Variants in MYH1 observed in about 807,000 individuals in gnomAD.
MYH1 encodes the protein myosin-1.
MYH1 carries 214 observed loss-of-function variants against 225.6 expected under a neutral mutation model. The ratio of observed to expected loss-of-function variants is 0.95; its 90% CI spans 0.85 to 1.06. The LOEUF (loss-of-function observed/expected upper bound fraction) is 1.06, where lower values mean the gene tolerates loss of function less well. Ranked by LOEUF, MYH1 falls within the 50% of genes least tolerant of loss-of-function variation. The pLI is 0.00. For missense variants in MYH1, 2,098 were observed against 2,344.2 expected (o/e 0.89, Z 2.17); for synonymous variants, 774 against 842.3 (o/e 0.92, Z 1.40).
At chr17:10,515,191 A>T (rs2073213249) in intron 5 of MYH1, among the ~76,000 whole-genome samples, 1 of 152,252 alleles carries the variant, frequency 6.6e-6, no homozygotes, top group African/African-American at 2.4e-5. Flanking sequence ...TAATAGATTG[A>T]AATAGTGTTA....
In MYH1 at chr17:10,516,078, T is replaced by G; in HGVS notation, c.353A>C (p.Tyr118Ser). Residue 118 changes from tyrosine to serine, a missense_variant, in exon 5 of 40, where the codon TAC (tyrosine) becomes TCC (serine). Tyr to Ser is a moderately radical substitution (Grantham distance 144). Transcript: ENST00000226207. Reference protein sequence around the residue: ...ERYAAWMIYTYSGLFCVTVNP... With the variant: ...ERYAAWMIYTSSGLFCVTVNP... Reference sequence around the variant, plus strand: ...GACAGTGACACAGAACAAGCCTGAGTAGGTCTGCACCCAAAACAAAAGGGA... The same window carrying G: ...GACAGTGACACAGAACAAGCCTGAGGAGGTCTGCACCCAAAACAAAAGGGA... The G allele has an allele frequency of 6.2e-7, 1 of 1,614,068 alleles. No individual in the cohort carries two copies. The highest frequency in any genetic ancestry group is 8.5e-7 in the Non-Finnish European group (1 of 1,179,978).
At chr17:10,502,672 C>A in intron 24 of MYH1, 66 bp downstream of exon 24, 2 of 1,611,198 alleles carry the variant, frequency 1.2e-6, no homozygotes, top group East Asian at 4.5e-5. Flanking sequence ...CATAACGACA[C>A]AAACTTATGC....
intron 19 of MYH1, 86 bp downstream of exon 19, chr17:10,505,726 G>T (rs1048736122): frequency 2.6e-6 from 4 of 1,539,462 alleles, no homozygotes; most frequent in Non-Finnish European, 3.5e-6. Context: ...TCAATTTTAA[G>T]AGGAGGTATA....
rs550809205 is a variant in MYH1, at chr17:10,516,182, C to T, written c.348+17G>A. ...TTAACTACTCTCATGAGTAGAAGAC[C>T]GTGAGAAAGAACTCACGTAGATCAT... On this transcript the variant is annotated intron_variant, in intron 4 of 39. Transcript: ENST00000226207. 2.7e-5 allele frequency: 43 copies of T among 1,614,056 alleles called. No individual in the cohort carries two copies. In the East Asian group the frequency reaches 4.7e-4, roughly 18 times the overall value.
chr17:10,515,276 G>T (rs145350853), intron 5 of MYH1, among the ~76,000 whole-genome samples: 3 of 152,226 alleles, frequency 2.0e-5, no homozygotes, highest in African/African-American at 7.2e-5. Context: ...ACTATCTTAT[G>T]GCCACAGACT....
chr17:10,515,916 A>C lies in MYH1; in HGVS notation c.505+10T>G, dbSNP rs1163404648. On this transcript the variant is annotated intron_variant, in intron 5 of 39. Coordinates refer to ENST00000226207, the MANE Select transcript of MYH1 (RefSeq NM_005963.4). ...AAATAATTCATATGAAAACCAGCTGAGCCACTCACCAGTCAGCATGAACTG... is the reference window on the plus strand; with the variant it reads ...AAATAATTCATATGAAAACCAGCTGCGCCACTCACCAGTCAGCATGAACTG... 1 of 1,614,114 alleles carries C rather than the reference A, an allele frequency of 6.2e-7. No individual in the cohort carries two copies.
chr17:10,496,630 GA>G, intron 33 of MYH1, 81 bp from the exon 34 acceptor site: 1 of 1,579,518 alleles, frequency 6.3e-7, no homozygotes, highest in Non-Finnish European at 8.6e-7. Flanking sequence ...TATCATTCAT[GA>G]AACCTTATTT....
Position 10,495,964 on chromosome 17 carries a change from G to A in MYH1, c.5155C>T (p.Leu1719Phe), listed in dbSNP as rs1310963657. The A allele has an allele frequency of 6.2e-7, 1 of 1,613,986 alleles. No homozygotes were observed. The highest frequency in any genetic ancestry group is 2.2e-5 in the East Asian group (1 of 44,852). ...ATTACATGCACCTGGGTGTGCAGGA[G>A]CTGAACACGCTCACTGGCATCCAGG... Reference protein sequence around the residue: ...ELLDASERVQLLHTQNTSLIN... With the variant: ...ELLDASERVQFLHTQNTSLIN... Residue 1719 changes from leucine (L) to phenylalanine (F), a missense_variant, in exon 35 of 40, where the codon CTC (leucine) becomes TTC (phenylalanine). Transcript: ENST00000226207.
In MYH1 at chr17:10,508,634, C is replaced by T. The variant is rs752844108; in HGVS notation, c.1626G>A (p.Met542Ile). The change falls in exon 16 of 40, where the codon ATG (methionine) becomes ATA (isoleucine). Residue 542 changes from methionine to isoleucine, a missense_variant. Physicochemically the swap from Met to Ile is conservative, Grantham distance 10. Transcript: ENST00000226207. The stretch of plus-strand genomic sequence containing the variant: ...AGGAGGTGTCTGTCGCCTTGGGGAA[C>T]ATGCACTCCTCTTCCAGGATGGAGA... Reference protein sequence around the residue: ...GIFSILEEECMFPKATDTSFK... With the variant: ...GIFSILEEECIFPKATDTSFK... The T allele has an allele frequency of 1.1e-5, 17 of 1,614,030 alleles. No homozygotes were observed. Among genetic ancestry groups the T allele is most frequent in the Admixed American group, 1.7e-5 (1 of 60,002 alleles).
rs1277798093 is a variant in MYH1, at chr17:10,498,991, G to A, written c.3967C>T (p.Leu1323Phe). 1 of 1,612,898 alleles carries A rather than the reference G, an allele frequency of 6.2e-7. No homozygotes were observed. Among genetic ancestry groups the A allele is most frequent in the Admixed American group, 1.7e-5 (1 of 59,992 alleles). Residue 1323 changes from leucine to phenylalanine, a missense_variant, in exon 29 of 40, where the codon CTT becomes TTT. Coordinates refer to ENST00000226207, the MANE Select transcript of MYH1 (RefSeq NM_005963.4). The stretch of plus-strand genomic sequence containing the variant: ...GAGCTTACCTTTATCTCCTCTTCAA[G>A]TTGCCTTTTCAGTTCCTCAATCTGT... ...TQQIEELKRQ[L>F]EEEIKAKSAL...
chr17:10,501,145 G>T lies in MYH1; in HGVS notation c.3703C>A (p.Leu1235Ile). 1 of 1,614,134 alleles carries T rather than the reference G, an allele frequency of 6.2e-7. No homozygotes were observed. Among genetic ancestry groups the T allele is most frequent in the Non-Finnish European group, 8.5e-7 (1 of 1,179,984 alleles). ...KSEMKMEIDD[L>I]ASNMETVSKA... ...GAGACAGTCTCCATGTTACTAGCAA[G>T]GTCATCGATCTCCATCTTCATCTCA... Residue 1235 changes from leucine (L) to isoleucine (I), a missense_variant, in exon 27 of 40, where the codon CTT (leucine) becomes ATT (isoleucine). Leu to Ile is a conservative substitution (Grantham distance 5). Transcript: ENST00000226207.
Position 10,494,982 on chromosome 17 carries a change from C to T in MYH1, c.5415G>A (p.Glu1805=). 1.2e-6 allele frequency: 2 copies of T among 1,614,214 alleles called. No individual in the cohort carries two copies. Among genetic ancestry groups the T allele is most frequent in the Middle Eastern group, 1.7e-4 (1 of 6,060 alleles). ...KDLQHRLDEA[E]QLALKGGKKQ... ...TCTTCCCACCCTTCAGGGCCAGCTG[C>T]TCAGCCTCATCCAGACGATGCTGCA... The change falls in exon 37 of 40, where the codon GAG becomes GAA. Residue 1805 remains glutamate (E), a synonymous_variant. Transcript: ENST00000226207.
At chr17:10,494,513 T>A in intron 38 of MYH1, 56 bp downstream of exon 38, 1 of 1,610,802 alleles carries the variant, frequency 6.2e-7, no homozygotes, top group Non-Finnish European at 8.5e-7. Context: ...GTCATACATA[T>A]GACTTTTAAT....
intron 29 of MYH1, 56 bp downstream of exon 29, chr17:10,498,918 T>G: frequency 6.2e-7 from 1 of 1,602,900 alleles, no homozygotes. Flanking sequence ...TCTGTAAAAG[T>G]AAGCGAAAAA....
rs776303869 is a variant in MYH1, at chr17:10,496,304, G to C, written c.4902C>G (p.Asn1634Lys). 6.2e-7 allele frequency: 1 copy of C among 1,614,082 alleles called. No individual in the cohort carries two copies. The highest frequency in any genetic ancestry group is 1.1e-5 in the South Asian group (1 of 91,074). ...GDLNEMEIQL[N>K]HANRMAAEAL... ...CCTCAGCAGCCATGCGGTTGGCATGGTTCAGCTGGATTTCCATTTCATTGA... is the reference window on the plus strand; with the variant it reads ...CCTCAGCAGCCATGCGGTTGGCATGCTTCAGCTGGATTTCCATTTCATTGA... Residue 1634 changes from asparagine (N) to lysine (K), a missense_variant, in exon 34 of 40, where the codon AAC becomes AAG. Asn to Lys is a moderately conservative substitution (Grantham distance 94). Coordinates refer to ENST00000226207, the MANE Select transcript of MYH1 (RefSeq NM_005963.4).
At chr17:10,505,097 T>TTA (rs773864550) in intron 21 of MYH1, 32 bp from the exon 22 acceptor site, 103 of 1,612,912 alleles carry the variant, frequency 6.4e-5, no homozygotes, top group Non-Finnish European at 8.2e-5. Context: ...CCAAATCAGA[T>TTA]TATAATAAGA....
Position 10,503,104 on chromosome 17 carries a change from T to C in MYH1, c.2836A>G (p.Lys946Glu), listed in dbSNP as rs1423060191. The stretch of plus-strand genomic sequence containing the variant: ...AGTTCTGAACATTCATCCTCCAGTT[T>C]CCTCTTCTTGGCTGTCAGCTCAGCA... ...INAELTAKKR[K>E]LEDECSELKK... The change falls in exon 23 of 40, where the codon AAA becomes GAA. Residue 946 changes from lysine (K) to glutamate (E), a missense_variant. Coordinates refer to ENST00000226207, the MANE Select transcript of MYH1 (RefSeq NM_005963.4). The C allele has an allele frequency of 1.2e-6, 2 of 1,612,648 alleles. No individual in the cohort carries two copies. The highest frequency in any genetic ancestry group is 1.7e-6 in the Non-Finnish European group (2 of 1,178,812).
Position 10,505,923 on chromosome 17 carries a change from A to G in MYH1, c.2063T>C (p.Met688Thr), listed in dbSNP as rs1193707520. 1.9e-6 allele frequency: 3 copies of G among 1,614,066 alleles called. No homozygotes were observed. Among genetic ancestry groups the G allele is most frequent in the East Asian group, 2.2e-5 (1 of 44,890 alleles). ...IPNETKTPGA[M>T]EHELVLHQLR... ...CTGATGCAGGACAAGCTCATGCTCC[A>G]TGGCACCTAAAAGAATGAATCCACA... The change falls in exon 19 of 40, where the codon ATG (methionine) becomes ACG (threonine). Residue 688 changes from methionine to threonine, a missense_variant. Coordinates refer to ENST00000226207, the MANE Select transcript of MYH1 (RefSeq NM_005963.4).
At position 10,501,504 on chromosome 17, in the gene MYH1, G is replaced by C; in HGVS notation, c.3349-5C>G. On this transcript the variant is annotated splice_polypyrimidine_tract_variant and splice_region_variant and intron_variant, in intron 26 of 39. Transcript: ENST00000226207. Reference sequence around the variant, plus strand: ...CTCCAGCTCCTCAATGCGGGCCTGGGAATGGTGAAAAATATTAATACGAAC... The same window carrying C: ...CTCCAGCTCCTCAATGCGGGCCTGGCAATGGTGAAAAATATTAATACGAAC... The C allele has an allele frequency of 6.2e-7, 1 of 1,614,198 alleles. No homozygotes were observed. The highest frequency in any genetic ancestry group is 1.6e-4 in the Middle Eastern group (1 of 6,062).
Sources: allele counts gnomAD v4.1 joint callset (sites outside exome capture counted in the v4.1 genomes callset), GRCh38; gene constraint gnomAD v4.1.1; transcripts MANE v1.5; gene names NCBI Gene and HGNC (gene_info 2026-07-23, HGNC 2026-07-21).